Variants in INPP4B observed in about 807,000 individuals in gnomAD.
INPP4B encodes inositol polyphosphate-4-phosphatase type II B, also known as inositol polyphosphate 4-phosphatase type II.
INPP4B carries 55 observed loss-of-function variants against 122.5 expected under a neutral mutation model. The observed-to-expected ratio is 0.45, with a 90% CI of 0.36 to 0.56. INPP4B has a LOEUF of 0.56. Among genes scored for constraint, INPP4B ranks in the 20% least tolerant of loss-of-function variants. INPP4B has a pLI of 0.00. For missense variants in INPP4B, 1,000 were observed against 1,097.7 expected, an observed-to-expected ratio of 0.91 and a Z score of 1.26; for synonymous variants, 403 against 388.7, an observed-to-expected ratio of 1.04 and a Z score of -0.43.
At chr4:142,313,213 T>C (rs1419886355) in intron 8 of INPP4B, among the ~76,000 whole-genome samples, 3 of 152,074 alleles carry the variant, frequency 2.0e-5, no homozygotes, top group Admixed American at 6.6e-5. Flanking sequence ...TCTACACGAC[T>C]GGGCCAAAAT....
intron 2 of INPP4B, among the ~76,000 whole-genome samples, chr4:142,464,311 G>A (rs1386257672): frequency 6.6e-6 from 1 of 151,864 alleles, no homozygotes; most frequent in African/African-American, 2.4e-5. Flanking sequence ...ATATTATTTG[G>A]TCAAAAGATG....
chr4:142,200,064 G>C (rs1286817176), intron 14 of INPP4B, among the ~76,000 whole-genome samples: 2 of 151,710 alleles, frequency 1.3e-5, no homozygotes, highest in Non-Finnish European at 2.9e-5. Flanking sequence ...TTATTAATTA[G>C]AATTCTTCTG....
chr4:142,696,280 C>T (rs1761010513), intron 2 of INPP4B, among the ~76,000 whole-genome samples: 2 of 152,088 alleles, frequency 1.3e-5, no homozygotes, highest in Admixed American at 1.3e-4. Flanking sequence ...TTATACCATC[C>T]TCAAGGGGCC....
intron 7 of INPP4B, among the ~76,000 whole-genome samples, chr4:142,327,130 G>C (rs1372585859): frequency 6.6e-6 from 1 of 152,002 alleles, no homozygotes; most frequent in Admixed American, 6.5e-5. Context: ...AAACACCATC[G>C]TTAGGTATTA....
chr4:142,543,211 C>T (rs1009253729), intron 2 of INPP4B, among the ~76,000 whole-genome samples: 5 of 152,124 alleles, frequency 3.3e-5, no homozygotes, highest in Admixed American at 2.6e-4. Context: ...TACTGTGGCT[C>T]ACATTTTCAG....
intron 2 of INPP4B, among the ~76,000 whole-genome samples, chr4:142,626,265 T>G (rs1580542042): frequency 1.3e-5 from 2 of 152,158 alleles, no homozygotes; most frequent in Non-Finnish European, 2.9e-5. Flanking sequence ...TCCCCATGGT[T>G]AGGTTAATAA....
Position 142,160,578 on chromosome 4 carries a change from A to G in INPP4B, c.1360-17T>C, listed in dbSNP as rs1819618594. On this transcript the variant is annotated splice_polypyrimidine_tract_variant and intron_variant, in intron 16 of 25. Transcript: ENST00000262992. The stretch of plus-strand genomic sequence containing the variant: ...AAGCTCTGTCTGGAAAGAAATTGAC[A>G]AGGATTAGAAACACCTTGGTAGGCA... 1.3e-6 allele frequency: 2 copies of G among 1,575,436 alleles called. No homozygotes were observed. Among genetic ancestry groups the G allele is most frequent in the South Asian group, 2.3e-5 (2 of 88,608 alleles).
chr4:142,731,733 C>T (rs779763480), intron 1 of INPP4B, among the ~76,000 whole-genome samples: 1 of 151,562 alleles, frequency 6.6e-6, no homozygotes, highest in Non-Finnish European at 1.5e-5. Context: ...TAGCAGATGG[C>T]TTTTCAGGAC....
chr4:142,632,157 C>G (rs952780157), intron 2 of INPP4B, among the ~76,000 whole-genome samples: 1 of 152,138 alleles, frequency 6.6e-6, no homozygotes, highest in East Asian at 1.9e-4. Flanking sequence ...TTAGGAGGCA[C>G]TCATGGGACT....
chr4:142,625,616 G>A (rs201572095), intron 2 of INPP4B, among the ~76,000 whole-genome samples: 114,610 of 149,018 alleles, frequency 0.77, 44,708 homozygotes, highest in East Asian at 0.84. Context: ...TTTCTTCACA[G>A]AATTGGAAAA....
At chr4:142,327,083 T>C (rs891279157) in intron 7 of INPP4B, among the ~76,000 whole-genome samples, 1 of 152,124 alleles carries the variant, frequency 6.6e-6, no homozygotes, top group Non-Finnish European at 1.5e-5. Flanking sequence ...CCTCAGGGAA[T>C]AGAAACAGAC....
At chr4:142,607,765 T>A (rs942386394) in intron 2 of INPP4B, among the ~76,000 whole-genome samples, 1 of 152,248 alleles carries the variant, frequency 6.6e-6, no homozygotes. Context: ...ATATACTTTT[T>A]TAAAAAAGAA....
At chr4:142,324,813 C>A (rs930481812) in intron 7 of INPP4B, among the ~76,000 whole-genome samples, 1 of 152,172 alleles carries the variant, frequency 6.6e-6, no homozygotes, top group South Asian at 2.1e-4. Flanking sequence ...GTTCTCCAGC[C>A]TTCTGCAAAG....
chr4:142,143,017 G>A (rs1389541639), intron 18 of INPP4B, among the ~76,000 whole-genome samples: 1 of 151,946 alleles, frequency 6.6e-6, no homozygotes, highest in Non-Finnish European at 1.5e-5. Context: ...CTCTGCCTCG[G>A]CCCCATGTCT....
intron 2 of INPP4B, among the ~76,000 whole-genome samples, chr4:142,706,713 A>G (rs754855156): frequency 2.6e-5 from 4 of 152,278 alleles, no homozygotes; most frequent in African/African-American, 7.2e-5. Context: ...ATACACCTAC[A>G]CAGGCCAGAC....
intron 25 of INPP4B, among the ~76,000 whole-genome samples, chr4:142,074,851 C>T (rs1052782268): frequency 6.6e-6 from 1 of 151,650 alleles, no homozygotes; most frequent in Non-Finnish European, 1.5e-5. Flanking sequence ...AAGCACTACT[C>T]TTATCCACTT....
intron 1 of INPP4B, among the ~76,000 whole-genome samples, chr4:142,744,017 C>A (rs1210363719): frequency 1.3e-5 from 2 of 151,744 alleles, no homozygotes; most frequent in Admixed American, 6.6e-5. Flanking sequence ...GACTTTAAAT[C>A]AACTATTTAA....
intron 11 of INPP4B, among the ~76,000 whole-genome samples, chr4:142,260,067 C>T (rs1739042115): frequency 6.6e-6 from 1 of 152,130 alleles, no homozygotes; most frequent in African/African-American, 2.4e-5. Flanking sequence ...TCCCTGCAAC[C>T]TCCGCCCCTC....
chr4:142,056,944 G>A (rs541716822), intron 25 of INPP4B, among the ~76,000 whole-genome samples: 1 of 152,116 alleles, frequency 6.6e-6, no homozygotes, highest in Non-Finnish European at 1.5e-5. Context: ...CTCTTGTCCT[G>A]GTTGCTTGGG....
Sources: gnomAD v4.1 joint callset for allele counts (sites outside exome capture counted in the v4.1 genomes callset) on GRCh38, gnomAD v4.1.1 for gene constraint, MANE v1.5 for transcripts, NCBI Gene and HGNC (gene_info 2026-07-23, HGNC 2026-07-21) for gene names.